Variants in MAPKBP1 observed in about 807,000 individuals in gnomAD.
The protein encoded by MAPKBP1 is mitogen-activated protein kinase-binding protein 1.
Under a neutral mutation model 170.5 loss-of-function variants are expected in MAPKBP1, and 71 were observed. The observed-to-expected ratio is 0.42, with a 90% confidence interval of 0.34 to 0.51. The LOEUF (loss-of-function observed/expected upper bound fraction) is 0.51. MAPKBP1 is among the 20% of genes least tolerant of loss of function. MAPKBP1 has a pLI of 0.06. For synonymous variants in MAPKBP1, 719 were observed against 757.9 expected (o/e 0.95, Z 0.84); for missense variants, 1,598 against 1,933.0 (o/e 0.83, Z 3.25).
chr15:41,818,708 T>G lies in MAPKBP1; in HGVS notation c.2157-115T>G. 6.5e-7 allele frequency: 1 copy of G among 1,530,210 alleles called. No individual in the cohort carries two copies. Among genetic ancestry groups the G allele is most frequent in the Non-Finnish European group, 8.9e-7 (1 of 1,123,262 alleles). The allele number at this position is 1,530,210 out of a possible 1,614,324, so 94.8% of individuals were successfully genotyped here. A position where few individuals can be genotyped will look rare whatever the true frequency, so the allele number is the denominator to read the frequency against. ...TAACAGGGATAGCTTTTGGCTGTGC[T>G]TGACCTGAAGTGGAGGGTGGCTCTG... On this transcript the variant is annotated intron_variant, in intron 19 of 30. Transcript: ENST00000457542. The surrounding 1 kb of genome is among the most constrained non-coding windows in gnomAD (Gnocchi z 5.2).
At chr15:41,786,615 A>T (rs1007640117) in intron 2 of MAPKBP1, among the ~76,000 whole-genome samples, 3 of 150,532 alleles carry the variant, frequency 2.0e-5, no homozygotes, top group East Asian at 3.9e-4. Flanking sequence ...ATACAAAAAA[A>T]TTAGCTGGGC....
At chr15:41,822,186 G>A in intron 25 of MAPKBP1, 39 bp from the exon 26 acceptor site, 2 of 1,604,848 alleles carry the variant, frequency 1.2e-6, no homozygotes, top group Non-Finnish European at 1.7e-6. Context: ...GGCAACAGAT[G>A]GGTGCAGTGC....
chr15:41,779,759 A>T (rs1379429054), intron 2 of MAPKBP1, among the ~76,000 whole-genome samples: 1 of 152,170 alleles, frequency 6.6e-6, no homozygotes, highest in Non-Finnish European at 1.5e-5. Flanking sequence ...GATGACTAAG[A>T]GTGGATGTCC....
At position 41,821,741 on chromosome 15, in the gene MAPKBP1, T is replaced by C; in HGVS notation, c.2876T>C (p.Met959Thr). 1.9e-6 allele frequency: 3 copies of C among 1,613,768 alleles called. No individual in the cohort carries two copies. Among genetic ancestry groups the C allele is most frequent in the Non-Finnish European group, 2.5e-6 (3 of 1,179,964 alleles). Residue 959 changes from methionine to threonine, a missense_variant, in exon 24 of 31, where the codon ATG becomes ACG. Met to Thr is a moderately conservative substitution (Grantham distance 81). Coordinates refer to ENST00000457542, the MANE Select transcript of MAPKBP1 (RefSeq NM_014994.3). Reference protein sequence around the residue: ...VYPEPSDNPTMDTSEFQVQAP... With the variant: ...VYPEPSDNPTTDTSEFQVQAP... ...CCGGAGCCGAGTGACAACCCCACCA[T>C]GGATACCAGGCAAGGATCCTGCCCT...
intron 2 of MAPKBP1, among the ~76,000 whole-genome samples, chr15:41,782,723 G>A (rs1022428868): frequency 1.3e-5 from 2 of 151,914 alleles, no homozygotes. Flanking sequence ...GCAGAAGTGT[G>A]CCTAGTATTG....
chr15:41,787,994 G>C (rs754970935), intron 2 of MAPKBP1, among the ~76,000 whole-genome samples: 56 of 151,856 alleles, frequency 3.7e-4, no homozygotes, highest in Non-Finnish European at 2.8e-4. Context: ...GTCTTGCTCT[G>C]TTGCCCAGGC....
chr15:41,819,131 C>T, intron 20 of MAPKBP1, 115 bp from the exon 21 acceptor site: 4 of 1,447,198 alleles, frequency 2.8e-6, no homozygotes, highest in Non-Finnish European at 3.8e-6. Flanking sequence ...TCTCCTCTCC[C>T]CCTATTGAGT....
chr15:41,786,777 A>AAAAAAAAAAAAAAATATATATAT, intron 2 of MAPKBP1, among the ~76,000 whole-genome samples: 1 of 32,468 alleles, frequency 3.1e-5, no homozygotes, highest in Non-Finnish European at 5.6e-5. Flanking sequence ...AAAAAAAAAA[A>AAAAAAAAAAAAAAATATATATAT]ATATATATAT....
chr15:41,786,193 C>T (rs758300740), intron 2 of MAPKBP1, among the ~76,000 whole-genome samples: 12 of 151,930 alleles, frequency 7.9e-5, no homozygotes, highest in Non-Finnish European at 1.6e-4. Flanking sequence ...TATATGCATA[C>T]TAAAAAATGA....
chr15:41,822,033 A>T lies in MAPKBP1; in HGVS notation c.2954A>T (p.Glu985Val), dbSNP rs373193277. The T allele has an allele frequency of 1.2e-6, 2 of 1,609,678 alleles. No homozygotes were observed. The highest frequency in any genetic ancestry group is 2.7e-5 in the African/African-American group (2 of 74,826). Residue 985 changes from glutamate (E) to valine (V), a missense_variant, in exon 25 of 31, where the codon GAA (glutamate) becomes GTA (valine). By Grantham distance (121) the Glu-to-Val change is moderately radical. Around this residue, in one of 6 missense-constraint regions of MAPKBP1, gnomAD observed 942 missense variants for 953.2 expected, o/e 0.99. Transcript: ENST00000457542. Reference sequence around the variant, plus strand: ...GTGTACCCAGGCAGCAGGAGCTCAGAAAAGCACAGCCCTGACAGTGCCTGC... The same window carrying T: ...GTGTACCCAGGCAGCAGGAGCTCAGTAAAGCACAGCCCTGACAGTGCCTGC... ...GRVYPGSRSSEKHSPDSACSV... is the reference protein window; with the variant it reads ...GRVYPGSRSSVKHSPDSACSV...
chr15:41,817,830 A>G lies in MAPKBP1; in HGVS notation c.1904+95A>G, dbSNP rs972902274. On this transcript the variant is annotated intron_variant, in intron 16 of 30. Transcript: ENST00000457542. This position sits in a 1 kb window ranked among gnomAD's most constrained non-coding sequence, Gnocchi z 4.2. ...AGTTCCCACATCTGTCGTTCTGTACAGGACTTTGTACCCCCTTGAGCCTAC... is the reference window on the plus strand; with the variant it reads ...AGTTCCCACATCTGTCGTTCTGTACGGGACTTTGTACCCCCTTGAGCCTAC... 14 of 1,584,738 alleles carry G rather than the reference A, an allele frequency of 8.8e-6. No homozygotes were observed. The highest frequency in any genetic ancestry group is 1.3e-5 in the African/African-American group (1 of 74,472).
At position 41,823,727 on chromosome 15, in the gene MAPKBP1, C is replaced by A. The variant is rs146864744; in HGVS notation, c.3879C>A (p.Asp1293Glu). The A allele has an allele frequency of 6.2e-7, 1 of 1,614,204 alleles. No individual in the cohort carries two copies. The highest frequency in any genetic ancestry group is 2.2e-5 in the East Asian group (1 of 44,880). The change falls in exon 29 of 31, where the codon GAC (aspartate) becomes GAA (glutamate). Residue 1293 changes from aspartate to glutamate, a missense_variant. By Grantham distance (45) the Asp-to-Glu change is conservative. Around this residue, in one of 6 missense-constraint regions of MAPKBP1, gnomAD observed 942 missense variants for 953.2 expected, o/e 0.99. Coordinates refer to ENST00000457542, the MANE Select transcript of MAPKBP1 (RefSeq NM_014994.3). ...ALPSRAHLVL[D>E]IPKPLPDRPT... Reference sequence around the variant, plus strand: ...CCAGCCGGGCTCACCTGGTCCTGGACATCCCCAAACCACTGCCTGACCGTC... The same window carrying A: ...CCAGCCGGGCTCACCTGGTCCTGGAAATCCCCAAACCACTGCCTGACCGTC...
intron 25 of MAPKBP1, 36 bp downstream of exon 25, chr15:41,822,146 G>A (rs772477275): frequency 2.5e-6 from 4 of 1,590,602 alleles, no homozygotes; most frequent in South Asian, 1.1e-5. Context: ...GCCATGGGGG[G>A]TGGGGCCTGG....
chr15:41,790,903 T>G (rs1417838217), intron 2 of MAPKBP1, among the ~76,000 whole-genome samples: 1 of 152,252 alleles, frequency 6.6e-6, no homozygotes, highest in African/African-American at 2.4e-5. Context: ...GTCCCTGCCC[T>G]ACTGTCTAAG....
intron 23 of MAPKBP1, 134 bp downstream of exon 23, chr15:41,821,202 A>G: frequency 1.2e-6 from 1 of 846,082 alleles, no homozygotes; most frequent in Non-Finnish European, 1.9e-6. Flanking sequence ...CTGAACTGCA[A>G]AGCCAGGATG....
intron 3 of MAPKBP1, among the ~76,000 whole-genome samples, chr15:41,807,313 T>G (rs965033003): frequency 1.3e-5 from 2 of 152,220 alleles, no homozygotes; most frequent in African/African-American, 4.8e-5. Flanking sequence ...CCAGGAAGAC[T>G]GAGTTTGTAT....
At chr15:41,819,163 C>T (rs2064943548) in intron 20 of MAPKBP1, 83 bp from the exon 21 acceptor site, 1 of 1,537,470 alleles carries the variant, frequency 6.5e-7, no homozygotes, top group Non-Finnish European at 8.9e-7. Flanking sequence ...CTCATTGAGT[C>T]TCCTCTTCCT....
chr15:41,821,982 C>T lies in MAPKBP1; in HGVS notation c.2903C>T (p.Ala968Val), dbSNP rs1254076301. Residue 968 changes from alanine (A) to valine (V), a missense_variant, in exon 25 of 31, where the codon GCT (alanine) becomes GTT (valine). Ala to Val is a moderately conservative substitution (Grantham distance 64). Coordinates refer to ENST00000457542, the MANE Select transcript of MAPKBP1 (RefSeq NM_014994.3). ...CCTGACAGTGAGTTCCAAGTGCAGG[C>T]TCCAGCCCGGGGAACTCTGGGAAGA... ...TMDTSEFQVQ[A>V]PARGTLGRVY... 2 of 1,610,934 alleles carry T rather than the reference C, an allele frequency of 1.2e-6. No individual in the cohort carries two copies. The highest frequency in any genetic ancestry group is 1.7e-6 in the Non-Finnish European group (2 of 1,178,624).
In MAPKBP1 at chr15:41,800,434, C is replaced by T. The variant is rs543781765; in HGVS notation, c.206+520C>T. On this transcript the variant is annotated intron_variant, in intron 3 of 30. Transcript: ENST00000457542. ...TGTTGGCTCACTGCACCTCCGCCTC[C>T]GACACTCAAGCAATCCTCCCACCTC... 3.3e-5 allele frequency among the ~76,000 whole-genome samples: 5 copies of T among 152,168 alleles called. No individual in the cohort carries two copies. The South Asian group carries it at 6.2e-4, about 19-fold the overall frequency.
Sources: allele counts gnomAD v4.1 joint callset (sites outside exome capture counted in the v4.1 genomes callset), GRCh38; gene constraint gnomAD v4.1.1; regional missense constraint gnomAD v4.1.1; non-coding constraint Gnocchi (gnomAD v3.1); transcripts MANE v1.5; gene names NCBI Gene and HGNC (gene_info 2026-07-23, HGNC 2026-07-21).